Variants in MYH7B observed in about 807,000 individuals in gnomAD.
MYH7B encodes myosin heavy chain 7B, also known as myosin-7B.
In MYH7B, 205 loss-of-function variants were observed where a neutral mutation model predicts 234.5. That is an observed-to-expected ratio of 0.87 (90% CI 0.78 to 0.98). MYH7B has a LOEUF of 0.98. MYH7B is among the 50% of genes least tolerant of loss of function. The probability of loss-of-function intolerance (pLI) is 0.00; values close to 1 mark genes in which losing one functional copy is unlikely to be tolerated. For synonymous variants in MYH7B, 1,193 were observed against 1,105.0 expected, an observed-to-expected ratio of 1.08 and a Z score of -1.58; for missense variants, 2,652 against 2,633.4, an observed-to-expected ratio of 1.01 and a Z score of -0.15.
chr20:34,966,453 C>G (rs567888285), intron 2 of MYH7B, among the ~76,000 whole-genome samples: 2 of 152,238 alleles, frequency 1.3e-5, no homozygotes, highest in South Asian at 2.1e-4. Context: ...AGAGGACAGA[C>G]TGGTGGTTGC....
rs766910766 is a variant in MYH7B, at chr20:34,980,631, C to A, written c.396C>A (p.Val132=). 6.2e-6 allele frequency: 10 copies of A among 1,614,196 alleles called. No individual in the cohort carries two copies. The South Asian group carries it at 9.9e-5, about 16-fold the overall frequency. The stretch of plus-strand genomic sequence containing the variant: ...TCAACCCCTACAAATGGCTCCCAGT[C>A]TATACGGCCTCCGTAGTGGCTGCTT... Residue 132 remains valine (V), a synonymous_variant, in exon 8 of 45, where the codon GTC becomes GTA. Transcript: ENST00000262873.
intron 2 of MYH7B, among the ~76,000 whole-genome samples, chr20:34,962,228 A>G (rs574966035): frequency 6.6e-6 from 1 of 152,260 alleles, no homozygotes; most frequent in African/African-American, 2.4e-5. Flanking sequence ...CCCTGTCTCA[A>G]AAATAATTAT....
In MYH7B at chr20:34,999,604, T is replaced by C. The variant is rs1351692865; in HGVS notation, c.4574T>C (p.Leu1525Pro). The C allele has an allele frequency of 3.7e-6, 6 of 1,613,012 alleles. No homozygotes were observed. Among genetic ancestry groups the C allele is most frequent in the Non-Finnish European group, 5.1e-6 (6 of 1,179,588 alleles). The change falls in exon 37 of 45, where the codon CTC (leucine) becomes CCC (proline). Residue 1525 changes from leucine to proline, a missense_variant. Around this residue, in one of 3 missense-constraint regions of MYH7B, gnomAD observed 2,279 missense variants for 2,211.4 expected, o/e 1.03. Coordinates refer to ENST00000262873, the Ensembl canonical transcript of MYH7B. ...AGCGACCTCACAGACCAGGTGAGTC[T>C]CAGTGGGAAGAGCATCCAGGAACTG... is the stretch of plus-strand genomic sequence containing the variant.
chr20:34,989,664 C>A, intron 19 of MYH7B, 76 bp from the exon 20 acceptor site: 1 of 1,431,550 alleles, frequency 7.0e-7, no homozygotes, highest in Non-Finnish European at 9.4e-7. Context: ...AGGGAGGTGG[C>A]CTGGGGAACC....
chr20:34,995,492 G>A (rs189494963), exon 28 of MYH7B: 17 of 1,614,164 alleles, frequency 1.1e-5, no homozygotes, highest in Middle Eastern at 1.6e-4. Context: ...GCTGGAGGAC[G>A]AGTGCACGGA....
intron 3 of MYH7B, 113 bp downstream of exon 3, chr20:34,975,612 C>T: frequency 1.6e-6 from 1 of 644,188 alleles, no homozygotes; most frequent in East Asian, 2.8e-5. Flanking sequence ...ATCGAAATGT[C>T]TACCGAGAGG....
intron 6 of MYH7B, 59 bp downstream of exon 6, chr20:34,979,555 G>C (rs1051391712): frequency 6.3e-7 from 1 of 1,597,748 alleles, no homozygotes; most frequent in Non-Finnish European, 8.6e-7. Flanking sequence ...TGGCCAACAG[G>C]ATCTGCCCTC....
exon 32 of MYH7B, chr20:34,997,469 C>G (rs376851177): frequency 6.6e-7 from 1 of 1,514,016 alleles, no homozygotes; most frequent in Non-Finnish European, 8.8e-7. Context: ...CGCTGCGGCA[C>G]GAGGCCACAG....
chr20:34,964,647 G>A (rs539151506), intron 2 of MYH7B, among the ~76,000 whole-genome samples: 3 of 152,288 alleles, frequency 2.0e-5, no homozygotes, highest in South Asian at 2.1e-4. Flanking sequence ...GACTGGGCGC[G>A]GTGGCTCACG....
In MYH7B at chr20:35,002,042, CCAA is replaced by C. The variant is rs756930057; in HGVS notation, c.5775_5777del (p.Asn1925del). 5.6e-4 allele frequency: 910 copies of C among 1,613,930 alleles called. 1 individual carries two copies. Among genetic ancestry groups the C allele is most frequent in the Non-Finnish European group, 7.1e-4 (842 of 1,179,992 alleles). On this transcript the variant is annotated inframe_deletion, in exon 44 of 45. Coordinates refer to ENST00000262873, the Ensembl canonical transcript of MYH7B. ...CGGGCAGACATGGCGGAAACCCAGG[CCAA>C]CAAGCTGCGGGCACGGACCCGGGAC...
chr20:34,988,518 GC>G (rs1419607015), intron 19 of MYH7B, among the ~76,000 whole-genome samples: 1 of 152,136 alleles, frequency 6.6e-6, no homozygotes, highest in East Asian at 1.9e-4. Context: ...GTGAATGCAT[GC>G]ATCCCAGTAC....
intron 2 of MYH7B, among the ~76,000 whole-genome samples, chr20:34,961,073 A>G (rs553648503): frequency 1.3e-5 from 2 of 152,340 alleles, no homozygotes; most frequent in Admixed American, 1.3e-4. Context: ...AGGGATCCTC[A>G]GAGACCTTCT....
At chr20:34,979,354 C>T in intron 5 of MYH7B, 36 bp from the exon 6 acceptor site, 2 of 1,538,068 alleles carry the variant, frequency 1.3e-6, no homozygotes, top group Non-Finnish European at 8.9e-7. Context: ...GGTGCCTCAG[C>T]CCCTCTCTGA....
intron 13 of MYH7B, among the ~76,000 whole-genome samples, chr20:34,985,844 G>A (rs983275379): frequency 1.1e-4 from 16 of 152,024 alleles, no homozygotes; most frequent in Admixed American, 1.0e-3. Flanking sequence ...TGCACACGCA[G>A]ACACCACACT....
chr20:34,992,456 AC>A (rs1354876485), intron 24 of MYH7B, among the ~76,000 whole-genome samples: 1 of 151,362 alleles, frequency 6.6e-6, no homozygotes, highest in Non-Finnish European at 1.5e-5. Context: ...GTCACCTTCT[AC>A]TAATATTTTT....
intron 19 of MYH7B, among the ~76,000 whole-genome samples, chr20:34,989,161 C>A (rs1273049171): frequency 6.6e-6 from 1 of 152,190 alleles, no homozygotes; most frequent in Non-Finnish European, 1.5e-5. Flanking sequence ...TACTTTTTCT[C>A]TGAAAATGTA....
At chr20:34,960,684 G>T (rs547670364) in intron 2 of MYH7B, among the ~76,000 whole-genome samples, 1 of 152,306 alleles carries the variant, frequency 6.6e-6, no homozygotes, top group South Asian at 2.1e-4. Context: ...CTCCCCACCT[G>T]GCTGGGGGCC....
In MYH7B at chr20:34,996,342, A is replaced by G. The variant is rs1310122266; in HGVS notation, c.2944-4A>G. Reference sequence around the variant, plus strand: ...TCCCCATTCTGGCCCTGGCCCTGGCACAGGTGAAGAACCTGACGGAAGAGA... The same window carrying G: ...TCCCCATTCTGGCCCTGGCCCTGGCGCAGGTGAAGAACCTGACGGAAGAGA... On this transcript the variant is annotated splice_region_variant and splice_polypyrimidine_tract_variant and intron_variant, in intron 28 of 44. Transcript: ENST00000262873. 4 of 1,578,912 alleles carry G rather than the reference A, an allele frequency of 2.5e-6. No individual in the cohort carries two copies. The South Asian group carries it at 3.4e-5, about 14-fold the overall frequency.
intron 2 of MYH7B, among the ~76,000 whole-genome samples, chr20:34,962,087 C>T (rs1013352594): frequency 6.6e-6 from 1 of 152,078 alleles, no homozygotes; most frequent in African/African-American, 2.4e-5. Flanking sequence ...ATTAGCCGGG[C>T]GTGGTGGCAT....
Sources: gnomAD v4.1 joint callset for allele counts (sites outside exome capture counted in the v4.1 genomes callset) on GRCh38, gnomAD v4.1.1 for gene constraint, gnomAD v4.1.1 regional missense constraint, MANE v1.5 for transcripts, NCBI Gene and HGNC (gene_info 2026-07-23, HGNC 2026-07-21) for gene names.